Variants in DNM1L observed in about 807,000 individuals in gnomAD.
DNM1L encodes the protein dynamin-1-like protein.
A neutral mutation model predicts 92.8 loss-of-function variants in DNM1L; 33 were observed. The ratio of observed to expected loss-of-function variants is 0.36; its 90% CI spans 0.27 to 0.48. The LOEUF (loss-of-function observed/expected upper bound fraction) is 0.48. Ranked by LOEUF, DNM1L falls within the 20% of genes least tolerant of loss-of-function variation. The pLI, the probability that DNM1L is intolerant of heterozygous loss-of-function variation, is 0.99. For missense variants in DNM1L, 485 were observed against 888.8 expected, an observed-to-expected ratio of 0.55 and a Z score of 5.78; for synonymous variants, 284 against 305.0, an observed-to-expected ratio of 0.93 and a Z score of 0.72.
At position 32,708,212 on chromosome 12, in the gene DNM1L, A is replaced by G. The variant is rs1490489859; in HGVS notation, c.357A>G (p.Ser119=). The part of the protein sequence containing the change: ...QEIENETERI[S]GNNKGVSPEP... Reference sequence around the variant, plus strand: ...TTGAAAATGAAACAGAAAGAATTTCAGGAAATAATAAGGTAGGCATCTTTT... The same window carrying G: ...TTGAAAATGAAACAGAAAGAATTTCGGGAAATAATAAGGTAGGCATCTTTT... Residue 119 remains serine (S), a synonymous_variant, in exon 4 of 20, where the codon TCA becomes TCG. Coordinates refer to ENST00000549701, the MANE Select transcript of DNM1L (RefSeq NM_012062.5). The G allele has an allele frequency of 6.3e-7, 1 of 1,595,088 alleles. No individual in the cohort carries two copies. The highest frequency in any genetic ancestry group is 1.3e-5 in the African/African-American group (1 of 74,662).
At chr12:32,741,157 G>C (rs1015436134) in intron 18 of DNM1L, among the ~76,000 whole-genome samples, 1 of 152,170 alleles carries the variant, frequency 6.6e-6, no homozygotes, top group African/African-American at 2.4e-5. Flanking sequence ...TTTGTCTGTA[G>C]AACCATTTAT....
At chr12:32,702,017 C>T (rs1394168036) in intron 2 of DNM1L, among the ~76,000 whole-genome samples, 6 of 149,408 alleles carry the variant, frequency 4.0e-5, no homozygotes, top group East Asian at 2.1e-4. Context: ...GGGTGGATCA[C>T]GAGGTCAGAA....
chr12:32,697,395 G>T (rs923897137), intron 1 of DNM1L, among the ~76,000 whole-genome samples: 5 of 152,092 alleles, frequency 3.3e-5, no homozygotes, highest in African/African-American at 9.7e-5. Flanking sequence ...ACCAAATGAG[G>T]GTTTGAAAGA....
intron 19 of DNM1L, 28 bp from the exon 20 acceptor site, chr12:32,743,326 A>G: frequency 1.2e-6 from 2 of 1,605,304 alleles, no homozygotes; most frequent in Middle Eastern, 1.7e-4. Context: ...TATAATAAGC[A>G]TTTAAAATTT....
chr12:32,726,506 A>T (rs1205824279), intron 9 of DNM1L: 5 of 1,050,956 alleles, frequency 4.8e-6, no homozygotes, highest in Non-Finnish European at 7.4e-6. Flanking sequence ...CATCATCATC[A>T]TCTTCAGTAG....
rs1170143121 is a variant in DNM1L, at chr12:32,718,064, TTA to T, written c.620-570_620-569del. ...ACATACTATATATACTATACATATT[TTA>T]TATATATACTATACATATTTTATAT... On this transcript the variant is annotated intron_variant, in intron 6 of 19. Transcript: ENST00000549701. 1.8e-4 allele frequency among the ~76,000 whole-genome samples: 24 copies of T among 134,770 alleles called. 2 individuals are homozygous for T. Among genetic ancestry groups the T allele is most frequent in the South Asian group, 4.3e-4 (2 of 4,606 alleles). 88.4% of individuals were successfully genotyped at this position (134,770 alleles called of 152,430 possible).
chr12:32,702,055 G>C (rs1014958126), intron 2 of DNM1L, among the ~76,000 whole-genome samples: 1 of 150,952 alleles, frequency 6.6e-6, no homozygotes, highest in African/African-American at 2.4e-5. Flanking sequence ...CCAATATGGT[G>C]AAACCCCGTC....
At chr12:32,707,811 C>T (rs535769698) in intron 3 of DNM1L, among the ~76,000 whole-genome samples, 78 of 152,032 alleles carry the variant, frequency 5.1e-4, no homozygotes, top group Middle Eastern at 3.4e-3. Flanking sequence ...ATTAGCCCCG[C>T]GTGGTGGCAT....
intron 2 of DNM1L, among the ~76,000 whole-genome samples, chr12:32,703,965 A>T (rs1292271656): frequency 1.3e-5 from 2 of 152,146 alleles, no homozygotes; most frequent in East Asian, 3.8e-4. Flanking sequence ...TTTCTGTTAA[A>T]TTTTTATTAA....
At chr12:32,717,117 A>G (rs1471671216) in intron 6 of DNM1L, among the ~76,000 whole-genome samples, 2 of 118,804 alleles carry the variant, frequency 1.7e-5, no homozygotes, top group African/African-American at 6.7e-5. Context: ...ATTTATATAT[A>G]TTTTATATAT....
At chr12:32,680,214 T>G (rs1444184890) in intron 1 of DNM1L, among the ~76,000 whole-genome samples, 1 of 152,188 alleles carries the variant, frequency 6.6e-6, no homozygotes, top group Non-Finnish European at 1.5e-5. Context: ...CTAACTCATT[T>G]TTTTTTGAAT....
intron 1 of DNM1L, among the ~76,000 whole-genome samples, chr12:32,693,632 A>ACTTTTCTTTTTT (rs1342160450): frequency 1.3e-5 from 2 of 151,760 alleles, no homozygotes; most frequent in Admixed American, 1.3e-4. Flanking sequence ...ATCACCTTAA[A>ACTTTTCTTTTTT]CTTTTCTTTT....
At chr12:32,693,135 T>A (rs1361862435) in intron 1 of DNM1L, among the ~76,000 whole-genome samples, 1 of 152,240 alleles carries the variant, frequency 6.6e-6, no homozygotes, top group Non-Finnish European at 1.5e-5. Context: ...GTAATTTACA[T>A]TCCCATCAAC....
At chr12:32,697,043 A>G (rs944129545) in intron 1 of DNM1L, among the ~76,000 whole-genome samples, 3 of 150,206 alleles carry the variant, frequency 2.0e-5, no homozygotes, top group Admixed American at 1.3e-4. Flanking sequence ...AGCCTGGCCA[A>G]CACGGTGAAA....
At chr12:32,683,652 C>A (rs1251974645) in intron 1 of DNM1L, among the ~76,000 whole-genome samples, 1 of 152,152 alleles carries the variant, frequency 6.6e-6, no homozygotes, top group Admixed American at 6.5e-5. Flanking sequence ...TCAAGTGATT[C>A]TCCTGCCTCA....
At chr12:32,692,158 A>G (rs112270742) in intron 1 of DNM1L, among the ~76,000 whole-genome samples, 1 of 151,740 alleles carries the variant, frequency 6.6e-6, no homozygotes, top group Non-Finnish European at 1.5e-5. Context: ...ATATATTTTA[A>G]TTATTTAAAA....
chr12:32,679,572 T>TTGGGGCCTG, intron 1 of DNM1L, 107 bp downstream of exon 1: 4 of 1,445,812 alleles, frequency 2.8e-6, no homozygotes, highest in Non-Finnish European at 3.7e-6. Flanking sequence ...GCGCCAGCCT[T>TTGGGGCCTG]TGGGGCCTGT....
At chr12:32,682,249 C>T (rs1239513178) in intron 1 of DNM1L, among the ~76,000 whole-genome samples, 2 of 152,102 alleles carry the variant, frequency 1.3e-5, no homozygotes, top group African/African-American at 4.8e-5. Context: ...TCTCCTGCCT[C>T]AGCCTCCCAC....
chr12:32,679,548 C>G, intron 1 of DNM1L, 83 bp downstream of exon 1: 1 of 1,451,482 alleles, frequency 6.9e-7, no homozygotes, highest in Non-Finnish European at 9.3e-7. Flanking sequence ...ACTCCCGCGC[C>G]AGCGCCCACT....
Sources: gnomAD v4.1 joint callset for allele counts (sites outside exome capture counted in the v4.1 genomes callset) on GRCh38, gnomAD v4.1.1 for gene constraint, MANE v1.5 for transcripts, NCBI Gene and HGNC (gene_info 2026-07-23, HGNC 2026-07-21) for gene names.